The following AUTS2 variants were observed in gnomAD, a reference collection of about 807,000 sequenced individuals.
The protein encoded by AUTS2 is autism susceptibility gene 2 protein.
AUTS2 carries 17 observed loss-of-function variants against 112.4 expected under a neutral mutation model. The ratio of observed to expected loss-of-function variants is 0.15; its 90% CI spans 0.10 to 0.23. AUTS2 has a LOEUF of 0.23. Among genes scored for constraint, AUTS2 ranks in the 10% least tolerant of loss-of-function variants. The probability of loss-of-function intolerance (pLI) is 1.00; values close to 1 mark genes in which losing one functional copy is unlikely to be tolerated. For synonymous variants in AUTS2, 751 were observed against 702.7 expected, an observed-to-expected ratio of 1.07 and a Z score of -1.09; for missense variants, 1,510 against 1,701.6, an observed-to-expected ratio of 0.89 and a Z score of 1.98.
intron 1 of AUTS2, among the ~76,000 whole-genome samples, chr7:69,826,330 A>T (rs2129526948): frequency 6.6e-6 from 1 of 152,344 alleles, no homozygotes; most frequent in Admixed American, 6.5e-5. Context: ...AAAATTTAAG[A>T]TGCGGCAAGG....
intron 4 of AUTS2, among the ~76,000 whole-genome samples, chr7:70,158,044 C>CG (rs1436340536): frequency 6.6e-6 from 1 of 151,914 alleles, no homozygotes; most frequent in East Asian, 1.9e-4. Context: ...GTGGTCATGG[C>CG]GGGGGAGGAG....
At chr7:70,431,227 C>G (rs1267824723) in intron 4 of AUTS2, among the ~76,000 whole-genome samples, 1 of 152,004 alleles carries the variant, frequency 6.6e-6, no homozygotes, top group African/African-American at 2.4e-5. Context: ...AAAGCAGGTT[C>G]CAAAATGGTA....
At chr7:70,341,139 A>G (rs1303542827) in intron 4 of AUTS2, among the ~76,000 whole-genome samples, 3 of 152,226 alleles carry the variant, frequency 2.0e-5, no homozygotes, top group Non-Finnish European at 4.4e-5. Context: ...CATTATTCTC[A>G]TTCTGTCAGC....
intron 1 of AUTS2, among the ~76,000 whole-genome samples, chr7:69,734,294 A>G (rs748510440): frequency 6.7e-6 from 1 of 148,754 alleles, no homozygotes; most frequent in Non-Finnish European, 1.5e-5. Flanking sequence ...AAGGGCTGCC[A>G]TTTTTCTGAT....
chr7:70,328,493 A>G (rs958820640), intron 4 of AUTS2, among the ~76,000 whole-genome samples: 4 of 152,240 alleles, frequency 2.6e-5, no homozygotes, highest in South Asian at 4.1e-4. Context: ...AAATGCTGAG[A>G]GTGCAGGTGT....
At chr7:70,474,368 A>G (rs1797503113) in intron 5 of AUTS2, among the ~76,000 whole-genome samples, 1 of 152,016 alleles carries the variant, frequency 6.6e-6, no homozygotes, top group African/African-American at 2.4e-5. Flanking sequence ...CTTCTGGGAG[A>G]CCCTCAGTCA....
At chr7:70,061,174 G>C (rs1802228893) in intron 2 of AUTS2, among the ~76,000 whole-genome samples, 1 of 152,128 alleles carries the variant, frequency 6.6e-6, no homozygotes, top group Admixed American at 6.5e-5. Flanking sequence ...TTTGATATTG[G>C]AAATAATAGA....
chr7:70,406,754 A>C (rs1794554208), intron 4 of AUTS2, among the ~76,000 whole-genome samples: 2 of 152,238 alleles, frequency 1.3e-5, no homozygotes, highest in African/African-American at 4.8e-5. Context: ...GCAGAAATTC[A>C]GGAAACAATT....
chr7:70,171,520 A>T (rs1489440081), intron 4 of AUTS2, among the ~76,000 whole-genome samples: 1 of 152,230 alleles, frequency 6.6e-6, no homozygotes, highest in Non-Finnish European at 1.5e-5. Flanking sequence ...TACATTTCAT[A>T]GCTCAGTGCA....
rs1791998646 is a variant in AUTS2, at chr7:70,792,034, G to A, written c.*1038G>A. 1 of 152,636 alleles carries A rather than the reference G, an allele frequency of 6.6e-6. No homozygotes were observed. The highest frequency in any genetic ancestry group is 2.4e-5 in the African/African-American group (1 of 41,442). 9.5% of individuals were successfully genotyped at this position (152,636 alleles called of 1,614,324 possible). ...TGTACACACTTCCTCGTTTTGTAAT[G>A]AGATTTACTTACACCCAAACAGATC... is the stretch of plus-strand genomic sequence containing the variant. On this transcript the variant is annotated 3_prime_UTR_variant, in exon 19 of 19. Coordinates refer to ENST00000342771, the MANE Select transcript of AUTS2 (RefSeq NM_015570.4).
At chr7:70,361,226 G>C (rs1028000512) in intron 4 of AUTS2, among the ~76,000 whole-genome samples, 3 of 152,070 alleles carry the variant, frequency 2.0e-5, no homozygotes. Flanking sequence ...CCAGCTACTC[G>C]GGAGGCTGAG....
chr7:70,031,070 G>A (rs898963672), intron 2 of AUTS2, among the ~76,000 whole-genome samples: 2 of 152,078 alleles, frequency 1.3e-5, no homozygotes, highest in Non-Finnish European at 1.5e-5. Context: ...GGACTGTAAG[G>A]GAAAAGAGAC....
At chr7:69,999,500 A>G (rs144170370) in intron 2 of AUTS2, among the ~76,000 whole-genome samples, 4 of 152,202 alleles carry the variant, frequency 2.6e-5, no homozygotes, top group South Asian at 4.1e-4. Context: ...TATTTTTGCA[A>G]AATTTAAGAG....
intron 5 of AUTS2, among the ~76,000 whole-genome samples, chr7:70,585,625 C>A (rs1260378554): frequency 1.3e-5 from 2 of 152,126 alleles, no homozygotes; most frequent in Non-Finnish European, 2.9e-5. Flanking sequence ...CAAACAGCCC[C>A]AATTTATGCC....
intron 1 of AUTS2, among the ~76,000 whole-genome samples, chr7:69,627,563 A>G (rs578223965): frequency 3.3e-5 from 5 of 152,322 alleles, no homozygotes; most frequent in Admixed American, 1.3e-4. Context: ...TACTGTTGCA[A>G]TGTAGAAAGT....
chr7:69,614,007 A>G (rs547811564), intron 1 of AUTS2, among the ~76,000 whole-genome samples: 1 of 152,330 alleles, frequency 6.6e-6, no homozygotes, highest in East Asian at 1.9e-4. Flanking sequence ...TTATGCTACA[A>G]AGAGTATGCT....
chr7:70,491,035 G>C (rs1171707160), intron 5 of AUTS2, among the ~76,000 whole-genome samples: 1 of 152,144 alleles, frequency 6.6e-6, no homozygotes, highest in Admixed American at 6.5e-5. Flanking sequence ...TTCATCCACT[G>C]GTCACAGGAC....
chr7:70,031,026 A>C (rs1800752911), intron 2 of AUTS2, among the ~76,000 whole-genome samples: 1 of 152,120 alleles, frequency 6.6e-6, no homozygotes, highest in Non-Finnish European at 1.5e-5. Context: ...TACTTGTTGA[A>C]AGATTTTAAG....
chr7:70,088,714 G>A (rs1477840266), intron 2 of AUTS2, among the ~76,000 whole-genome samples: 2 of 151,212 alleles, frequency 1.3e-5, no homozygotes, highest in African/African-American at 4.9e-5. Context: ...CCAGGTTCAA[G>A]CGATTCTCCT....
Sources: gnomAD v4.1 joint callset for allele counts (sites outside exome capture counted in the v4.1 genomes callset) on GRCh38, gnomAD v4.1.1 for gene constraint, MANE v1.5 for transcripts, NCBI Gene and HGNC (gene_info 2026-07-23, HGNC 2026-07-21) for gene names.